The following ATP2C2 variants were observed in gnomAD, a reference collection of about 807,000 sequenced individuals.
The protein encoded by ATP2C2 is ATPase secretory pathway Ca2+ transporting 2.
In ATP2C2, 171 loss-of-function variants were observed where a neutral mutation model predicts 110.8. The observed-to-expected ratio is 1.54, with a 90% CI of 1.36 to 1.75. The LOEUF (loss-of-function observed/expected upper bound fraction) is 1.75. Ranked by LOEUF, ATP2C2 falls within the 40% of genes most tolerant of loss-of-function variation. ATP2C2 has a pLI of 0.00. For synonymous variants in ATP2C2, 804 were observed against 508.4 expected (o/e 1.58, Z -7.82); for missense variants, 1,963 against 1,235.0 (o/e 1.59, Z -8.84).
chr16:84,393,908 C>T (rs1285948508), intron 1 of ATP2C2, among the ~76,000 whole-genome samples: 1 of 151,532 alleles, frequency 6.6e-6, no homozygotes, highest in African/African-American at 2.4e-5. Context: ...GTAATCTTAG[C>T]ACTGTAGGGG....
chr16:84,459,091 C>A, intron 21 of ATP2C2, 29 bp from the exon 22 acceptor site: 1 of 1,613,402 alleles, frequency 6.2e-7, no homozygotes, highest in Non-Finnish European at 8.5e-7. Flanking sequence ...AGGCCCGCTC[C>A]GTGAGTAAAT....
intron 1 of ATP2C2, among the ~76,000 whole-genome samples, chr16:84,370,296 G>A (rs769670893): frequency 2.6e-5 from 4 of 152,196 alleles, no homozygotes; most frequent in Non-Finnish European, 5.9e-5. Context: ...TGTGGACCGG[G>A]GTGCTCTCAG....
At chr16:84,441,490 C>G (rs1909254532) in intron 14 of ATP2C2, among the ~76,000 whole-genome samples, 1 of 152,200 alleles carries the variant, frequency 6.6e-6, no homozygotes. Context: ...CTCACCCTTT[C>G]ACAGGGGCTC....
intron 1 of ATP2C2, among the ~76,000 whole-genome samples, chr16:84,397,197 C>T (rs1905038867): frequency 6.6e-6 from 1 of 151,774 alleles, no homozygotes; most frequent in African/African-American, 2.4e-5. Flanking sequence ...CCGAAGCCTC[C>T]AGGTGTTTCA....
In ATP2C2 at chr16:84,368,614, C is replaced by T. The variant is rs1343750532; in HGVS notation, c.-2C>T. 1.9e-6 allele frequency: 3 copies of T among 1,555,408 alleles called. No individual in the cohort carries two copies. The highest frequency in any genetic ancestry group is 3.8e-5 in the Admixed American group (2 of 52,788). Reference sequence around the variant, plus strand: ...CGCAGGCAACGCCTGCGCCCGCTCACCATGGTCGAGGGACGCGTCTCCGAG... The same window carrying T: ...CGCAGGCAACGCCTGCGCCCGCTCATCATGGTCGAGGGACGCGTCTCCGAG... On this transcript the variant is annotated 5_prime_UTR_variant, in exon 1 of 27. Coordinates refer to ENST00000262429, the MANE Select transcript of ATP2C2 (RefSeq NM_014861.4).
At chr16:84,421,885 G>A (rs1230237791) in intron 7 of ATP2C2, among the ~76,000 whole-genome samples, 3 of 152,168 alleles carry the variant, frequency 2.0e-5, no homozygotes, top group Non-Finnish European at 4.4e-5. Context: ...TGTGTAGTCA[G>A]TGTTCTGCAA....
intron 7 of ATP2C2, among the ~76,000 whole-genome samples, chr16:84,416,130 C>G (rs1054117232): frequency 6.6e-6 from 1 of 152,168 alleles, no homozygotes; most frequent in Non-Finnish European, 1.5e-5. Context: ...GCCGAGACCA[C>G]GCCACTGCAC....
Position 84,439,528 on chromosome 16 carries a change from A to C in ATP2C2, c.1209+4A>C. On this transcript the variant is annotated splice_donor_region_variant and intron_variant, in intron 13 of 26. Transcript: ENST00000262429. ...GTCAGATGGGCTTCGTGCCGAGGTGAGTGCCAAAGGAATTTACAAGCCTTA... is the reference window on the plus strand; with the variant it reads ...GTCAGATGGGCTTCGTGCCGAGGTGCGTGCCAAAGGAATTTACAAGCCTTA... The C allele has an allele frequency of 6.2e-7, 1 of 1,613,946 alleles. No individual in the cohort carries two copies. The highest frequency in any genetic ancestry group is 8.5e-7 in the Non-Finnish European group (1 of 1,179,822).
chr16:84,443,343 G>A (rs1283326369), intron 15 of ATP2C2, among the ~76,000 whole-genome samples: 1 of 152,170 alleles, frequency 6.6e-6, no homozygotes, highest in East Asian at 1.9e-4. Context: ...AGCCAGAGCT[G>A]GGGCTCCCCT....
At chr16:84,448,408 T>C (rs921884221) in intron 16 of ATP2C2, 125 bp from the exon 17 acceptor site, 1 of 1,223,280 alleles carries the variant, frequency 8.2e-7, no homozygotes, top group Non-Finnish European at 1.1e-6. Context: ...CACCAGCCTA[T>C]GATAAATAAC....
At position 84,460,772 on chromosome 16, in the gene ATP2C2, A is replaced by T; in HGVS notation, c.2452A>T (p.Ser818Cys). 6.2e-7 allele frequency: 1 copy of T among 1,613,862 alleles called. No homozygotes were observed. Among genetic ancestry groups the T allele is most frequent in the South Asian group, 1.1e-5 (1 of 91,076 alleles). Residue 818 changes from serine to cysteine, a missense_variant, in exon 24 of 27, where the codon AGC (serine) becomes TGC (cysteine). Physicochemically the swap from Ser to Cys is moderately radical, Grantham distance 112. Coordinates refer to ENST00000262429, the MANE Select transcript of ATP2C2 (RefSeq NM_014861.4). Reference protein sequence around the residue: ...KILMSAAIIISGTLFIFWKEM... With the variant: ...KILMSAAIIICGTLFIFWKEM... The stretch of plus-strand genomic sequence containing the variant: ...CCTCATGTCCGCGGCCATCATCATC[A>T]GCGGGACCCTCTTTATCTTCTGGAA...
chr16:84,446,339 G>A lies in ATP2C2; in HGVS notation c.1412G>A (p.Ser471Asn), dbSNP rs780581604. ...ATTTTATTATGCTAGATGGACTTAA[G>A]TGATATTAAAAATTCATATATAAGA... is the stretch of plus-strand genomic sequence containing the variant. ...LMALAMKMDL[S>N]DIKNSYIRKK... The change falls in exon 16 of 27, where the codon AGT (serine) becomes AAT (asparagine). Residue 471 changes from serine to asparagine, a missense_variant. Physicochemically the swap from Ser to Asn is conservative, Grantham distance 46 (BLOSUM62 1). Transcript: ENST00000262429. 3 of 1,581,426 alleles carry A rather than the reference G, an allele frequency of 1.9e-6. No individual in the cohort carries two copies. Among genetic ancestry groups the A allele is most frequent in the South Asian group, 1.2e-5 (1 of 86,738 alleles).
At chr16:84,440,287 G>A (rs1476666800) in intron 13 of ATP2C2, among the ~76,000 whole-genome samples, 1 of 152,200 alleles carries the variant, frequency 6.6e-6, no homozygotes, top group Non-Finnish European at 1.5e-5. Context: ...AGTGTCCTCT[G>A]CGTGCTTGGC....
At position 84,383,717 on chromosome 16, in the gene ATP2C2, T is replaced by C. The variant is rs539510626; in HGVS notation, c.100-14782T>C. 1.1e-4 allele frequency among the ~76,000 whole-genome samples: 14 copies of C among 132,850 alleles called. No homozygotes were observed. The East Asian group carries it at 2.6e-3, about 25-fold the overall frequency. The allele number at this position is 132,850 out of a possible 152,430, so 87.2% of individuals were successfully genotyped here. On this transcript the variant is annotated intron_variant, in intron 1 of 26. Transcript: ENST00000262429. The stretch of plus-strand genomic sequence containing the variant: ...GACATAAATTGCAGACATGATGCTG[T>C]ATTATTTCTGAATACATCTGTGTGT...
chr16:84,443,491 G>T (rs11149658), intron 15 of ATP2C2, among the ~76,000 whole-genome samples: 25,330 of 152,112 alleles, frequency 0.17, 2,608 homozygotes, highest in East Asian at 0.5. Context: ...CCCCCAGCAC[G>T]GACCCCTCGC....
chr16:84,374,208 A>G (rs1170111940), intron 1 of ATP2C2, among the ~76,000 whole-genome samples: 1 of 145,506 alleles, frequency 6.9e-6, no homozygotes, highest in Non-Finnish European at 1.5e-5. Context: ...ACACTTCTCA[A>G]TATTTAGGTA....
At chr16:84,398,208 C>G (rs1433675852) in intron 1 of ATP2C2, among the ~76,000 whole-genome samples, 2 of 151,978 alleles carry the variant, frequency 1.3e-5, no homozygotes, top group Non-Finnish European at 2.9e-5. Context: ...TTGAGACCAA[C>G]CTGGCCAACA....
rs1911230696 is a variant in ATP2C2, at chr16:84,460,726, C to G, written c.2406C>G (p.Ser802Arg). ...PPRSVRDTIL[S>R]RALILKILMS... The stretch of plus-strand genomic sequence containing the variant: ...GGAGTGTGCGGGACACCATCCTCAG[C>G]AGAGCCCTCATCCTGAAGATCCTCA... The change falls in exon 24 of 27, where the codon AGC becomes AGG. Residue 802 changes from serine (S) to arginine (R), a missense_variant. Coordinates refer to ENST00000262429, the MANE Select transcript of ATP2C2 (RefSeq NM_014861.4). 1 of 1,614,198 alleles carries G rather than the reference C, an allele frequency of 6.2e-7. No individual in the cohort carries two copies.
In ATP2C2 at chr16:84,448,667, G is replaced by C; in HGVS notation, c.1638G>C (p.Arg546Ser). 2.5e-6 allele frequency: 4 copies of C among 1,613,608 alleles called. No homozygotes were observed. The highest frequency in any genetic ancestry group is 3.4e-6 in the Non-Finnish European group (4 of 1,179,782). The change falls in exon 17 of 27, where the codon AGG (arginine) becomes AGC (serine). Residue 546 changes from arginine (R) to serine (S), a missense_variant. By Grantham distance (110) the Arg-to-Ser change is moderately radical. Transcript: ENST00000262429. Reference protein sequence around the residue: ...QRSFCLQEEKRMGSLGLRVLA... With the variant: ...QRSFCLQEEKSMGSLGLRVLA... ...CATTCTGCCTGCAGGAAGAGAAGAG[G>C]ATGGGGTCGCTCGGTTTGCGGGGTC...
Sources: gnomAD v4.1 joint callset for allele counts (sites outside exome capture counted in the v4.1 genomes callset) on GRCh38, gnomAD v4.1.1 for gene constraint, MANE v1.5 for transcripts, NCBI Gene and HGNC (gene_info 2026-07-23, HGNC 2026-07-21) for gene names.